Variants in PCSK9 observed in about 807,000 individuals in gnomAD.
PCSK9 encodes the protein proprotein convertase subtilisin/kexin type 9, also known as convertase subtilisin/kexin type 9 preproprotein.
Under a neutral mutation model 62.1 loss-of-function variants are expected in PCSK9, and 57 were observed. The ratio of observed to expected loss-of-function variants is 0.92; its 90% CI spans 0.74 to 1.14. The LOEUF (loss-of-function observed/expected upper bound fraction) is 1.14, where lower values mean the gene tolerates loss of function less well. Ranked by LOEUF, PCSK9 falls within the 50% of genes most tolerant of loss-of-function variation. The pLI, the probability that PCSK9 is intolerant of heterozygous loss-of-function variation, is 0.00. For missense variants in PCSK9, 870 were observed against 959.8 expected, an observed-to-expected ratio of 0.91 and a Z score of 1.24; for synonymous variants, 387 against 409.4, an observed-to-expected ratio of 0.95 and a Z score of 0.66.
At chr1:55,053,791 T>A (rs1644693397) in intron 5 of PCSK9, among the ~76,000 whole-genome samples, 1 of 152,210 alleles carries the variant, frequency 6.6e-6, no homozygotes, top group Non-Finnish European at 1.5e-5. Context: ...ACCCCTTTAT[T>A]GACTGACCTC....
Position 55,052,800 on chromosome 1 carries a change from T to C in PCSK9, c.799+9T>C. Reference sequence around the variant, plus strand: ...TAGCGGCACCCTCATAGGTAAGTGATGGCCCCAGACGCTGGTCTCTCTCCA... The same window carrying C: ...TAGCGGCACCCTCATAGGTAAGTGACGGCCCCAGACGCTGGTCTCTCTCCA... On this transcript the variant is annotated intron_variant, in intron 5 of 11. Coordinates refer to ENST00000302118, the MANE Select transcript of PCSK9 (RefSeq NM_174936.4). The C allele has an allele frequency of 1.9e-6, 3 of 1,612,974 alleles. No homozygotes were observed. Among genetic ancestry groups the C allele is most frequent in the Non-Finnish European group, 2.5e-6 (3 of 1,179,930 alleles).
intron 11 of PCSK9, among the ~76,000 whole-genome samples, chr1:55,062,189 C>A (rs950897173): frequency 2.6e-5 from 4 of 152,242 alleles, no homozygotes; most frequent in African/African-American, 9.6e-5. Flanking sequence ...ATGTGACAGC[C>A]GGGCCTTCTA....
At position 55,043,649 on chromosome 1, in the gene PCSK9, C is replaced by T. The variant is rs28362219; in HGVS notation, c.208-194C>T. On this transcript the variant is annotated intron_variant, in intron 1 of 11. Transcript: ENST00000302118. ...GGCACATTTGAAAGTGTTATATAACCATGTGAATAATAATAGTTGGCCTAT... is the reference window on the plus strand; with the variant it reads ...GGCACATTTGAAAGTGTTATATAACTATGTGAATAATAATAGTTGGCCTAT... 1.5e-3 allele frequency among the ~76,000 whole-genome samples: 230 copies of T among 152,342 alleles called. 1 individual carries two copies. Among genetic ancestry groups the T allele is most frequent in the African/African-American group, 5.4e-3 (226 of 41,586 alleles).
intron 3 of PCSK9, among the ~76,000 whole-genome samples, chr1:55,049,137 G>C (rs898765314): frequency 6.6e-6 from 1 of 152,236 alleles, no homozygotes; most frequent in African/African-American, 2.4e-5. Context: ...AGAAGGATCA[G>C]GAAAGGATTC....
Position 55,064,480 on chromosome 1 carries a change from T to G in PCSK9, c.*896T>G, listed in dbSNP as rs1033840761. On this transcript the variant is annotated 3_prime_UTR_variant, in exon 12 of 12. Coordinates refer to ENST00000302118, the MANE Select transcript of PCSK9 (RefSeq NM_174936.4). ...CTCTTCTTACTTCACCCGGCTGGGC[T>G]CCTCATTTTTACGGGTAACAGTGAG... 1 of 152,214 alleles carries G rather than the reference T, an allele frequency of 6.6e-6. No homozygotes were observed. The highest frequency in any genetic ancestry group is 1.5e-5 in the Non-Finnish European group (1 of 68,046). 9.4% of individuals were successfully genotyped at this position (152,214 alleles called of 1,614,324 possible).
chr1:55,040,059 A>G lies in PCSK9; in HGVS notation c.207+15A>G, dbSNP rs2495482. 0.94 allele frequency: 1,466,024 copies of G among 1,553,126 alleles called. 692,792 individuals carry two copies. Among genetic ancestry groups the G allele is most frequent in the South Asian group, 0.97 (81,678 of 84,202 alleles). On this transcript the variant is annotated intron_variant, in intron 1 of 11. Coordinates refer to ENST00000302118, the MANE Select transcript of PCSK9 (RefSeq NM_174936.4). The surrounding 1 kb of genome is among the most constrained non-coding windows in gnomAD (Gnocchi z 4.1). ...GCTGCGCCAAGGTGCGGGTGTAGGG[A>G]TGGGAGGCCGGGGCGAACCCGCAGC...
Position 55,040,190 on chromosome 1 carries a change from G to C in PCSK9, c.207+146G>C, listed in dbSNP as rs962141656. ...GCTCTTCGCTTGGCACGATCTTGGG[G>C]ACTGCAGGCAAGGCGGCGGGGGAGG... On this transcript the variant is annotated intron_variant, in intron 1 of 11. Coordinates refer to ENST00000302118, the MANE Select transcript of PCSK9 (RefSeq NM_174936.4). This position sits in a 1 kb window ranked among gnomAD's most constrained non-coding sequence, Gnocchi z 4.1. 24 of 1,149,532 alleles carry C rather than the reference G, an allele frequency of 2.1e-5. No homozygotes were observed. The highest frequency in any genetic ancestry group is 2.6e-5 in the Non-Finnish European group (21 of 817,318). The allele number at this position is 1,149,532 out of a possible 1,614,324, so 71.2% of individuals were successfully genotyped here.
Position 55,057,415 on chromosome 1 carries a change from C to T in PCSK9, c.1081C>T (p.Leu361Phe), listed in dbSNP as rs1242843864. The T allele has an allele frequency of 1.2e-6, 2 of 1,614,140 alleles. No homozygotes were observed. Among genetic ancestry groups the T allele is most frequent in the Admixed American group, 1.7e-5 (1 of 60,030 alleles). ...GACCAACTTTGGCCGCTGTGTGGAC[C>T]TCTTTGCCCCAGGGGAGGACATCAT... ...LGTNFGRCVD[L>F]FAPGEDIIGA... Residue 361 changes from leucine to phenylalanine, a missense_variant, in exon 7 of 12, where the codon CTC becomes TTC. Leu to Phe is a conservative substitution (Grantham distance 22, BLOSUM62 0). Coordinates refer to ENST00000302118, the MANE Select transcript of PCSK9 (RefSeq NM_174936.4).
In PCSK9 at chr1:55,057,364, C is replaced by T. The variant is rs72646513; in HGVS notation, c.1030C>T (p.Gln344Ter). 9.3e-6 allele frequency: 15 copies of T among 1,613,996 alleles called. No homozygotes were observed. The highest frequency in any genetic ancestry group is 1.3e-5 in the Non-Finnish European group (15 of 1,180,030). ...AGTTGGGGCCACCAATGCCCAAGAC[C>T]AGCCGGTGACCCTGGGGACTTTGGG... ...ITVGATNAQD[Q>*]PVTLGTLGTN... The change falls in exon 7 of 12, where the codon CAG becomes TAG. Residue 344 changes from glutamine to a stop codon, truncating the protein, a stop_gained. Coordinates refer to ENST00000302118, the MANE Select transcript of PCSK9 (RefSeq NM_174936.4). LOFTEE classifies it high-confidence loss of function.
chr1:55,054,186 C>T (rs1353906814), intron 5 of PCSK9, among the ~76,000 whole-genome samples: 1 of 152,120 alleles, frequency 6.6e-6, no homozygotes, highest in Non-Finnish European at 1.5e-5. Context: ...GAGTTCGAGA[C>T]CAGCCTGTTC....
At chr1:55,052,549 C>G (rs1213456028) in intron 4 of PCSK9, 101 bp from the exon 5 acceptor site, 1 of 1,602,852 alleles carries the variant, frequency 6.2e-7, no homozygotes, top group East Asian at 2.2e-5. Flanking sequence ...CCCTCCCTGC[C>G]ATCAGTTGTG....
chr1:55,051,694 GGTT>G (rs1644675093), intron 3 of PCSK9: 1 of 208,820 alleles, frequency 4.8e-6, no homozygotes, highest in Non-Finnish European at 9.7e-6. Flanking sequence ...TTTTCTCTGA[GGTT>G]GTGACTCGTG....
chr1:55,046,501 C>T (rs886039843), intron 2 of PCSK9, 22 bp from the exon 3 acceptor site: 1 of 1,614,088 alleles, frequency 6.2e-7, no homozygotes. Flanking sequence ...GCAGAGTCCC[C>T]CGGCCTCTCT....
intron 7 of PCSK9, 69 bp from the exon 8 acceptor site, chr1:55,057,966 TG>T: frequency 6.3e-7 from 1 of 1,585,864 alleles, no homozygotes; most frequent in Non-Finnish European, 8.7e-7. Flanking sequence ...GTGTGTGCAC[TG>T]GCAGGAGTCC....
At chr1:55,047,437 C>T (rs1439438878) in intron 3 of PCSK9, among the ~76,000 whole-genome samples, 2 of 152,202 alleles carry the variant, frequency 1.3e-5, no homozygotes, top group African/African-American at 4.8e-5. Flanking sequence ...GGGGTGAACT[C>T]AGCTTTCACC....
chr1:55,061,696 C>T (rs1644760869), intron 11 of PCSK9, 140 bp downstream of exon 11: 1 of 1,128,862 alleles, frequency 8.9e-7, no homozygotes, highest in Admixed American at 2.0e-5. Flanking sequence ...GCAGCTTCCG[C>T]CATTGTGTGG....
In PCSK9 at chr1:55,063,953, T is replaced by G; in HGVS notation, c.*369T>G. On this transcript the variant is annotated 3_prime_UTR_variant, in exon 12 of 12. Transcript: ENST00000302118. The stretch of plus-strand genomic sequence containing the variant: ...CCGTGCCAGGCATTCAATCCTCAGG[T>G]CTCCACCAAGGAGGCAGGATTCTTC... 1 of 258,610 alleles carries G rather than the reference T, an allele frequency of 3.9e-6. No individual in the cohort carries two copies. Among genetic ancestry groups the G allele is most frequent in the Non-Finnish European group, 7.5e-6 (1 of 134,002 alleles). 16.0% of individuals were successfully genotyped at this position (258,610 alleles called of 1,614,324 possible).
Position 55,039,576 on chromosome 1 carries a change from G to A in PCSK9, c.-262G>A. On this transcript the variant is annotated 5_prime_UTR_variant, in exon 1 of 12. Coordinates refer to ENST00000302118, the MANE Select transcript of PCSK9 (RefSeq NM_174936.4). ...GACGTCGAGGCGCTCATGGTTGCAG[G>A]CGGGCGCCGCCGTTCAGTTCAGGGT... 1.7e-6 allele frequency: 1 copy of A among 573,762 alleles called. No homozygotes were observed. The highest frequency in any genetic ancestry group is 2.1e-5 in the South Asian group (1 of 47,072). The allele number at this position is 573,762 out of a possible 1,614,324, so 35.5% of individuals were successfully genotyped here. A position where few individuals can be genotyped will look rare whatever the true frequency, so the allele number is the denominator to read the frequency against.
At chr1:55,055,316 G>A (rs1389736328) in intron 5 of PCSK9, among the ~76,000 whole-genome samples, 5 of 99,800 alleles carry the variant, frequency 5.0e-5, no homozygotes, top group South Asian at 6.9e-4. Flanking sequence ...AGGCCTCAGA[G>A]AGTGGCGGGG....
Sources: gnomAD v4.1 joint callset for allele counts (sites outside exome capture counted in the v4.1 genomes callset) on GRCh38, gnomAD v4.1.1 for gene constraint, Gnocchi (gnomAD v3.1) non-coding constraint, MANE v1.5 for transcripts, NCBI Gene and HGNC (gene_info 2026-07-23, HGNC 2026-07-21) for gene names.